SAMD4A: variants seen among roughly 807,000 people sequenced by gnomAD.
SAMD4A encodes sterile alpha motif domain containing 4A.
A neutral mutation model predicts 81.3 loss-of-function variants in SAMD4A; 33 were observed. The observed-to-expected ratio is 0.41, with a 90% CI of 0.31 to 0.54. The LOEUF (loss-of-function observed/expected upper bound fraction) is 0.54. SAMD4A is among the 20% of genes least tolerant of loss of function. The pLI is 0.37. For missense variants in SAMD4A, 854 were observed against 951.1 expected (o/e 0.90, Z 1.34); for synonymous variants, 389 against 382.1 (o/e 1.02, Z -0.21).
chr14:54,649,966 A>T (rs1303466463), intron 2 of SAMD4A, among the ~76,000 whole-genome samples: 1 of 152,194 alleles, frequency 6.6e-6, no homozygotes. Flanking sequence ...TGGAATGTTT[A>T]CTTTTAAAAA....
At chr14:54,566,197 C>A (rs1017958384), upstream of SAMD4A, among the ~76,000 whole-genome samples, 7 of 151,516 alleles carry the variant, frequency 4.6e-5, no homozygotes, top group African/African-American at 1.7e-4. Flanking sequence ...GCGCCGCCCG[C>A]CCCGACGGCA....
At chr14:54,670,160 TG>T (rs2035849125) in intron 2 of SAMD4A, among the ~76,000 whole-genome samples, 2 of 152,210 alleles carry the variant, frequency 1.3e-5, no homozygotes, top group African/African-American at 4.8e-5. Flanking sequence ...CAAGTCTGTC[TG>T]GCCCCATCCC....
intron 11 of SAMD4A, chr14:54,784,297 A>T: frequency 6.8e-7 from 1 of 1,469,902 alleles, no homozygotes; most frequent in Non-Finnish European, 9.3e-7. Context: ...GGAGGCACAG[A>T]CTGTGACATG....
At chr14:54,659,748 C>T (rs983610765) in intron 2 of SAMD4A, among the ~76,000 whole-genome samples, 3 of 152,072 alleles carry the variant, frequency 2.0e-5, no homozygotes, top group Non-Finnish European at 4.4e-5. Flanking sequence ...TGTGGGGTAA[C>T]CCTGAACTCT....
chr14:54,773,104 T>G (rs985010521), intron 9 of SAMD4A, among the ~76,000 whole-genome samples: 1 of 152,228 alleles, frequency 6.6e-6, no homozygotes, highest in Non-Finnish European at 1.5e-5. Context: ...TAGAACTCCT[T>G]CCTTGGCCAC....
chr14:54,768,120 T>C (rs1362598811), intron 8 of SAMD4A, among the ~76,000 whole-genome samples: 1 of 152,224 alleles, frequency 6.6e-6, no homozygotes, highest in Non-Finnish European at 1.5e-5. Context: ...CCAGTTGTCC[T>C]TCAGGCTGGC....
intron 2 of SAMD4A, among the ~76,000 whole-genome samples, chr14:54,589,332 TG>T (rs2033712574): frequency 6.6e-6 from 1 of 152,218 alleles, no homozygotes; most frequent in Admixed American, 6.5e-5. Context: ...AGACACCTAC[TG>T]GGTCAAAAAG....
At chr14:54,737,722 T>C (rs2037736477) in intron 4 of SAMD4A, among the ~76,000 whole-genome samples, 2 of 150,886 alleles carry the variant, frequency 1.3e-5, no homozygotes, top group South Asian at 4.2e-4. Flanking sequence ...TTTTTTTTCC[T>C]TTATAAGTCT....
Position 54,789,796 on chromosome 14 carries a change from G to C in SAMD4A, c.*852G>C. 1 of 152,428 alleles carries C rather than the reference G, an allele frequency of 6.6e-6. No individual in the cohort carries two copies. The highest frequency in any genetic ancestry group is 1.5e-5 in the Non-Finnish European group (1 of 68,184). The allele number at this position is 152,428 out of a possible 1,614,324, so 9.4% of individuals were successfully genotyped here. A position where few individuals can be genotyped will look rare whatever the true frequency, so the allele number is the denominator to read the frequency against. ...CACCGTTAGGTGGGAGGAGCGTATG[G>C]GTGGACTTGAAGGACATGGACGTGG... On this transcript the variant is annotated 3_prime_UTR_variant, in exon 13 of 13. Coordinates refer to ENST00000554335, the MANE Select transcript of SAMD4A (RefSeq NM_015589.6).
intron 2 of SAMD4A, among the ~76,000 whole-genome samples, chr14:54,599,014 G>A (rs2033986112): frequency 6.6e-6 from 1 of 152,050 alleles, no homozygotes; most frequent in African/African-American, 2.4e-5. Flanking sequence ...GAGACATGGT[G>A]TCACCATGTT....
intron 2 of SAMD4A, among the ~76,000 whole-genome samples, chr14:54,663,358 C>A (rs184956517): frequency 6.6e-6 from 1 of 152,240 alleles, no homozygotes; most frequent in Non-Finnish European, 1.5e-5. Context: ...TGATAGACCG[C>A]GGTCTAAAGT....
At chr14:54,588,436 G>C (rs2140171948) in intron 2 of SAMD4A, among the ~76,000 whole-genome samples, 1 of 151,798 alleles carries the variant, frequency 6.6e-6, no homozygotes, top group East Asian at 1.9e-4. Context: ...GTTTGGGTTT[G>C]GATTGTTCTT....
chr14:54,784,346 A>C, intron 11 of SAMD4A, 191 bp from the exon 12 acceptor site: 1 of 1,554,546 alleles, frequency 6.4e-7, no homozygotes, highest in Non-Finnish European at 8.7e-7. Flanking sequence ...CCAGGTTCCC[A>C]AGTTCACAGT....
intron 2 of SAMD4A, among the ~76,000 whole-genome samples, chr14:54,635,128 T>G (rs1242525351): frequency 6.6e-6 from 1 of 152,114 alleles, no homozygotes; most frequent in Non-Finnish European, 1.5e-5. Context: ...AGACATAATC[T>G]CAAAACTTAT....
At chr14:54,772,525 T>C (rs2038732874) in intron 9 of SAMD4A, among the ~76,000 whole-genome samples, 1 of 152,180 alleles carries the variant, frequency 6.6e-6, no homozygotes, top group Admixed American at 6.5e-5. Flanking sequence ...TAAGAGTCCC[T>C]GGATCCCTCC....
intron 2 of SAMD4A, among the ~76,000 whole-genome samples, chr14:54,660,896 G>A (rs997813502): frequency 1.3e-5 from 2 of 152,200 alleles, no homozygotes; most frequent in African/African-American, 4.8e-5. Flanking sequence ...GAATTTCTGT[G>A]TGTAATCATT....
At chr14:54,643,449 G>A (rs1028402253) in intron 2 of SAMD4A, among the ~76,000 whole-genome samples, 1 of 152,204 alleles carries the variant, frequency 6.6e-6, no homozygotes, top group African/African-American at 2.4e-5. Flanking sequence ...ATTGGCAAAT[G>A]TCAGTCCTTT....
intron 12 of SAMD4A, among the ~76,000 whole-genome samples, chr14:54,784,890 A>AAGC (rs1413761256): frequency 1.3e-5 from 2 of 152,106 alleles, no homozygotes; most frequent in Non-Finnish European, 2.9e-5. Flanking sequence ...CTGTCCCCAG[A>AAGC]AGCTCCACCT....
chr14:54,696,878 A>G lies in SAMD4A; in HGVS notation c.197-5184A>G, dbSNP rs2036591152. ...AAAGAAAATATTCAGAAAACATAGTAGAGGTGAGCTGACATCATCAAACCT... is the reference window on the plus strand; with the variant it reads ...AAAGAAAATATTCAGAAAACATAGTGGAGGTGAGCTGACATCATCAAACCT... On this transcript the variant is annotated intron_variant, in intron 2 of 12. Coordinates refer to ENST00000554335, the MANE Select transcript of SAMD4A (RefSeq NM_015589.6). The G allele has an allele frequency of 2.0e-5, 3 of 152,262 alleles. No individual in the cohort carries two copies. In the South Asian group the frequency reaches 6.2e-4, roughly 32 times the overall value. The allele number at this position is 152,262 out of a possible 1,614,324, so 9.4% of individuals were successfully genotyped here. A position where few individuals can be genotyped will look rare whatever the true frequency, so the allele number is the denominator to read the frequency against.
Sources: gnomAD v4.1 joint callset for allele counts (sites outside exome capture counted in the v4.1 genomes callset) on GRCh38, gnomAD v4.1.1 for gene constraint, MANE v1.5 for transcripts, NCBI Gene and HGNC (gene_info 2026-07-23, HGNC 2026-07-21) for gene names.